Variants in CASD1 observed in about 807,000 individuals in gnomAD.
The protein encoded by CASD1 is N-acetylneuraminate (7)9-O-acetyltransferase.
Under a neutral mutation model 100.0 loss-of-function variants are expected in CASD1, and 41 were observed. The observed-to-expected ratio is 0.41, with a 90% CI of 0.32 to 0.53. CASD1 has a LOEUF of 0.53. Among genes scored for constraint, CASD1 ranks in the 20% least tolerant of loss-of-function variants. The probability of loss-of-function intolerance (pLI) is 0.25; values close to 1 mark genes in which losing one functional copy is unlikely to be tolerated. For missense variants in CASD1, 774 were observed against 948.7 expected, an observed-to-expected ratio of 0.82 and a Z score of 2.42; for synonymous variants, 321 against 315.6, an observed-to-expected ratio of 1.02 and a Z score of -0.18.
the CASD1 span, among the ~76,000 whole-genome samples, chr7:94,565,823 A>T: frequency 7.2e-5 from 11 of 152,204 alleles, no homozygotes; most frequent in African/African-American, 2.7e-4. Flanking sequence ...AAGCAGACAG[A>T]ATCATATGTG....
the CASD1 span, among the ~76,000 whole-genome samples, chr7:94,596,934 A>C: frequency 6.6e-6 from 1 of 152,200 alleles, no homozygotes; most frequent in Non-Finnish European, 1.5e-5. Flanking sequence ...TTCATTTTGA[A>C]AATGAATGAT....
At chr7:94,602,583 AAAG>A in the CASD1 span, among the ~76,000 whole-genome samples, 1 of 152,022 alleles carries the variant, frequency 6.6e-6, no homozygotes, top group Non-Finnish European at 1.5e-5. Context: ...ATTAATATGA[AAAG>A]AAAAAAAAAA....
chr7:94,559,040 T>G (rs969724700), downstream of CASD1, among the ~76,000 whole-genome samples: 17 of 152,268 alleles, frequency 1.1e-4, no homozygotes, highest in East Asian at 3.3e-3. Context: ...CCTCAAGCGA[T>G]CCACCTGCCT....
At chr7:94,551,247 C>G (rs1795931508) in intron 14 of CASD1, 91 bp from the exon 15 acceptor site, 1 of 1,030,086 alleles carries the variant, frequency 9.7e-7, no homozygotes, top group East Asian at 3.0e-5. Flanking sequence ...AACCTACCTA[C>G]TTTTATTCAT....
chr7:94,574,895 G>A, the CASD1 span, among the ~76,000 whole-genome samples: 5 of 152,064 alleles, frequency 3.3e-5, no homozygotes, highest in South Asian at 2.1e-4. Context: ...GCATGAACCC[G>A]GGAGGCAGAG....
At chr7:94,603,664 T>C in the CASD1 span, among the ~76,000 whole-genome samples, 12 of 152,164 alleles carry the variant, frequency 7.9e-5, no homozygotes, top group Non-Finnish European at 1.8e-4. Context: ...AGTGCTTTGG[T>C]ATACCAGATA....
chr7:94,582,868 T>C, the CASD1 span, among the ~76,000 whole-genome samples: 16 of 152,346 alleles, frequency 1.1e-4, 2 homozygotes, highest in African/African-American at 3.6e-4. Flanking sequence ...TGGCTCACCA[T>C]TGCATCCTTA....
chr7:94,552,012 A>G (rs1360731587), intron 15 of CASD1: 1 of 219,654 alleles, frequency 4.6e-6, no homozygotes, highest in Non-Finnish European at 8.8e-6. Context: ...TGAAGAATAA[A>G]TAAGAGCTCA....
At chr7:94,604,470 C>A in the CASD1 span, among the ~76,000 whole-genome samples, 2 of 151,696 alleles carry the variant, frequency 1.3e-5, no homozygotes, top group African/African-American at 4.8e-5. Flanking sequence ...GGAAAACTCA[C>A]AATTCCCAAT....
At chr7:94,573,703 GTTTGGATGCCCTTTATTTCT>G in the CASD1 span, among the ~76,000 whole-genome samples, 277 of 152,216 alleles carry the variant, frequency 1.8e-3, 4 homozygotes, top group African/African-American at 6.3e-3. Context: ...CACTTTTCCT[GTTTGGATGCCCTTTATTTCT>G]TTCTCTTGCT....
At chr7:94,542,602 T>G (rs1418871081) in intron 10 of CASD1, among the ~76,000 whole-genome samples, 1 of 152,332 alleles carries the variant, frequency 6.6e-6, no homozygotes, top group Middle Eastern at 3.4e-3. Flanking sequence ...TCTAGAGGGC[T>G]GAACTTGGTA....
chr7:94,549,465 G>C, intron 13 of CASD1, 68 bp from the exon 14 acceptor site: 1 of 1,085,276 alleles, frequency 9.2e-7, no homozygotes, highest in African/African-American at 1.6e-5. Flanking sequence ...ACTATAATCT[G>C]TAATAGAATT....
chr7:94,575,379 G>T, the CASD1 span, among the ~76,000 whole-genome samples: 6 of 152,088 alleles, frequency 3.9e-5, no homozygotes, highest in Non-Finnish European at 7.4e-5. Context: ...CTTAGTCTTA[G>T]CATCTGTTTC....
chr7:94,557,896 A>G (rs1379930985), downstream of CASD1, among the ~76,000 whole-genome samples: 1 of 152,100 alleles, frequency 6.6e-6, no homozygotes, highest in African/African-American at 2.4e-5. Flanking sequence ...ATGTCTTAAT[A>G]TTTTATTTTC....
chr7:94,593,583 A>AT, the CASD1 span, among the ~76,000 whole-genome samples: 1 of 151,918 alleles, frequency 6.6e-6, no homozygotes, highest in East Asian at 1.9e-4. Context: ...ACAAAATAAC[A>AT]TTTTTTCAAT....
the CASD1 span, among the ~76,000 whole-genome samples, chr7:94,614,021 C>A: frequency 7.0e-6 from 1 of 142,926 alleles, no homozygotes; most frequent in Admixed American, 7.3e-5. Context: ...ATTAGGAAAA[C>A]ATTGAAAACT....
chr7:94,526,409 C>T (rs116504908), intron 3 of CASD1, among the ~76,000 whole-genome samples: 1,764 of 152,280 alleles, frequency 0.012, 34 homozygotes, highest in African/African-American at 0.04. Flanking sequence ...ATATCCACGT[C>T]GCATTAGCCA....
At chr7:94,518,689 AC>A (rs1224440036) in intron 3 of CASD1, among the ~76,000 whole-genome samples, 1 of 152,072 alleles carries the variant, frequency 6.6e-6, no homozygotes, top group East Asian at 1.9e-4. Flanking sequence ...TTTTAAAAAA[AC>A]ATACTAGTAA....
At chr7:94,521,694 C>T (rs568283599) in intron 3 of CASD1, among the ~76,000 whole-genome samples, 14 of 152,152 alleles carry the variant, frequency 9.2e-5, no homozygotes, top group African/African-American at 1.4e-4. Flanking sequence ...GATATACATA[C>T]GCACACACAA....
Sources: allele counts gnomAD v4.1 joint callset (sites outside exome capture counted in the v4.1 genomes callset), GRCh38; gene constraint gnomAD v4.1.1; transcripts MANE v1.5; gene names NCBI Gene and HGNC (gene_info 2026-07-23, HGNC 2026-07-21).